The following MAGI2 variants were observed in gnomAD, a reference collection of about 807,000 sequenced individuals.
The protein encoded by MAGI2 is membrane-associated guanylate kinase, WW and PDZ domain-containing protein 2.
A neutral mutation model predicts 133.3 loss-of-function variants in MAGI2; 35 were observed. The observed-to-expected ratio is 0.26, with a 90% CI of 0.20 to 0.35. The LOEUF (loss-of-function observed/expected upper bound fraction) is 0.35, where lower values mean the gene tolerates loss of function less well. Among genes scored for constraint, MAGI2 ranks in the 10% least tolerant of loss-of-function variants. The pLI is 1.00. For synonymous variants in MAGI2, 729 were observed against 710.6 expected (o/e 1.03, Z -0.41); for missense variants, 1,636 against 1,863.4 (o/e 0.88, Z 2.25).
chr7:78,646,204 T>A (rs190685196), intron 2 of MAGI2, among the ~76,000 whole-genome samples: 2 of 152,228 alleles, frequency 1.3e-5, no homozygotes, highest in Admixed American at 1.3e-4. Context: ...AGTGAAAAGA[T>A]CTGGGCAAAG....
chr7:78,189,374 T>C (rs1228850696), intron 12 of MAGI2, among the ~76,000 whole-genome samples: 1 of 152,234 alleles, frequency 6.6e-6, no homozygotes, highest in Admixed American at 6.5e-5. Context: ...TTGCTACCTT[T>C]GCTATGATAC....
At chr7:79,392,125 T>C (rs1341990222) in intron 1 of MAGI2, among the ~76,000 whole-genome samples, 1 of 152,156 alleles carries the variant, frequency 6.6e-6, no homozygotes, top group Non-Finnish European at 1.5e-5. Context: ...TCTCTGTTCC[T>C]GTGTTAGTTT....
intron 1 of MAGI2, among the ~76,000 whole-genome samples, chr7:79,218,084 T>G (rs1011143480): frequency 2.6e-5 from 4 of 151,826 alleles, no homozygotes; most frequent in Non-Finnish European, 1.5e-5. Context: ...TTAAGAAAAA[T>G]GAAGTTCCCT....
intron 2 of MAGI2, among the ~76,000 whole-genome samples, chr7:78,933,825 T>G (rs1399265551): frequency 6.6e-6 from 1 of 152,106 alleles, no homozygotes; most frequent in African/African-American, 2.4e-5. Context: ...CAAAAAATAT[T>G]GTTAATGAGG....
At chr7:78,170,212 G>A (rs961362106) in intron 14 of MAGI2, 1 of 152,100 alleles carries the variant, frequency 6.6e-6, no homozygotes, top group Non-Finnish European at 1.5e-5. Flanking sequence ...ACAAAATAGT[G>A]GTTACAACTG....
intron 3 of MAGI2, among the ~76,000 whole-genome samples, chr7:78,558,035 A>G (rs1417801613): frequency 6.6e-6 from 1 of 152,080 alleles, no homozygotes; most frequent in Admixed American, 6.5e-5. Context: ...ACTTAAATAT[A>G]AATATTTTGA....
chr7:78,177,429 CACACA>C (rs1563220322), intron 14 of MAGI2, among the ~76,000 whole-genome samples: 21 of 151,734 alleles, frequency 1.4e-4, no homozygotes, highest in African/African-American at 3.6e-4. Flanking sequence ...CACACACACA[CACACA>C]CACACACACA....
At chr7:78,593,774 TA>T (rs1804300197) in intron 3 of MAGI2, among the ~76,000 whole-genome samples, 3 of 152,158 alleles carry the variant, frequency 2.0e-5, no homozygotes. Flanking sequence ...CATTGGCATT[TA>T]AAAAAATTCA....
chr7:78,932,242 A>G (rs1332263301), intron 2 of MAGI2, among the ~76,000 whole-genome samples: 2 of 152,062 alleles, frequency 1.3e-5, no homozygotes, highest in Non-Finnish European at 2.9e-5. Flanking sequence ...TTGTTGTTCT[A>G]TTCTTTGTGG....
chr7:78,184,464 G>A (rs1827493125), intron 13 of MAGI2: 1 of 152,050 alleles, frequency 6.6e-6, no homozygotes, highest in Non-Finnish European at 1.5e-5. Context: ...ATTCTTCAAG[G>A]GGTGTTAGAA....
At chr7:78,503,148 A>G (rs1263329799) in intron 4 of MAGI2, among the ~76,000 whole-genome samples, 3 of 152,206 alleles carry the variant, frequency 2.0e-5, no homozygotes, top group African/African-American at 4.8e-5. Flanking sequence ...TTGAGAAAAA[A>G]AAAGATATAG....
rs546364140 is a variant in MAGI2 at position 79,042,611 on chromosome 7, A to G, written c.302-35405T>C. On this transcript the variant is annotated intron_variant, in intron 1 of 21. Coordinates refer to ENST00000354212, the MANE Select transcript of MAGI2 (RefSeq NM_012301.4). Reference sequence around the variant, plus strand: ...CATAAAATAGCTATTAGAGACTTACAAAGACTTTGATAACCACACAACAAT... The same window carrying G: ...CATAAAATAGCTATTAGAGACTTACGAAGACTTTGATAACCACACAACAAT... 9.8e-5 allele frequency among the ~76,000 whole-genome samples: 15 copies of G among 152,320 alleles called. No homozygotes were observed. In the South Asian group the frequency reaches 1.4e-3, roughly 15 times the overall value.
At chr7:78,533,231 C>T (rs1238853548) in intron 3 of MAGI2, among the ~76,000 whole-genome samples, 1 of 152,126 alleles carries the variant, frequency 6.6e-6, no homozygotes, top group African/African-American at 2.4e-5. Flanking sequence ...TTCATACCAT[C>T]CTTCAAATTA....
intron 2 of MAGI2, among the ~76,000 whole-genome samples, chr7:78,948,033 C>T (rs1001183491): frequency 2.6e-5 from 4 of 151,842 alleles, no homozygotes; most frequent in African/African-American, 7.3e-5. Context: ...TAAAATGGGA[C>T]GTTGAAGATA....
chr7:78,544,531 A>G (rs1336782212), intron 3 of MAGI2, among the ~76,000 whole-genome samples: 1 of 152,242 alleles, frequency 6.6e-6, no homozygotes, highest in African/African-American at 2.4e-5. Flanking sequence ...TAAATAAAAT[A>G]TAACAGATCT....
chr7:78,772,376 T>C (rs1825664702), intron 2 of MAGI2, among the ~76,000 whole-genome samples: 1 of 152,188 alleles, frequency 6.6e-6, no homozygotes. Flanking sequence ...AGAAGAAAAC[T>C]CTTATTTGGC....
intron 1 of MAGI2, among the ~76,000 whole-genome samples, chr7:79,437,272 T>C (rs1476006829): frequency 6.6e-6 from 1 of 152,072 alleles, no homozygotes; most frequent in Non-Finnish European, 1.5e-5. Context: ...ATGGGTTCAA[T>C]AGTACCTCAA....
intron 9 of MAGI2, among the ~76,000 whole-genome samples, chr7:78,337,564 T>G (rs1789902385): frequency 6.6e-6 from 1 of 152,250 alleles, no homozygotes; most frequent in South Asian, 2.1e-4. Flanking sequence ...AGAAGTTGAT[T>G]AAAATACTTT....
At chr7:78,740,345 A>C (rs566832493) in intron 2 of MAGI2, among the ~76,000 whole-genome samples, 1 of 152,280 alleles carries the variant, frequency 6.6e-6, no homozygotes, top group East Asian at 1.9e-4. Context: ...AAATTGTTAA[A>C]ATCTTTTTTA....
Sources: gnomAD v4.1 joint callset for allele counts (sites outside exome capture counted in the v4.1 genomes callset) on GRCh38, gnomAD v4.1.1 for gene constraint, MANE v1.5 for transcripts, NCBI Gene and HGNC (gene_info 2026-07-23, HGNC 2026-07-21) for gene names.